TDRD9: variants seen among roughly 807,000 people sequenced by gnomAD.
The protein encoded by TDRD9 is tudor domain containing 9, also known as ATP-dependent RNA helicase TDRD9.
A neutral mutation model predicts 172.6 loss-of-function variants in TDRD9; 124 were observed. The ratio of observed to expected loss-of-function variants is 0.72; its 90% confidence interval spans 0.62 to 0.83. TDRD9 has a LOEUF of 0.83. Ranked by LOEUF, TDRD9 falls within the 40% of genes least tolerant of loss-of-function variation. The pLI, the probability that TDRD9 is intolerant of heterozygous loss-of-function variation, is 0.00. For synonymous variants in TDRD9, 619 were observed against 617.1 expected, an observed-to-expected ratio of 1.00 and a Z score of -0.05; for missense variants, 1,479 against 1,714.1, an observed-to-expected ratio of 0.86 and a Z score of 2.42.
chr14:104,023,184 CAAAAAAAAAAAAA>C (rs10661391), intron 24 of TDRD9, among the ~76,000 whole-genome samples: 1 of 64,434 alleles, frequency 1.6e-5, no homozygotes, highest in Non-Finnish European at 2.5e-5. Flanking sequence ...GACTCCGTCT[CAAAAAAAAAAAAA>C]AAAAAAAAAA....
rs35169220 is a variant in TDRD9, at chr14:104,026,834, C to T, written c.3177C>T (p.His1059=). The T allele has an allele frequency of 1.2e-3, 1,936 of 1,614,030 alleles. 26 individuals carry two copies. In the African/African-American group the frequency reaches 0.023, roughly 19 times the overall value. The change falls in exon 28 of 36, where the codon CAC becomes CAT. Residue 1059 remains histidine, a synonymous_variant. Coordinates refer to ENST00000409874, the MANE Select transcript of TDRD9 (RefSeq NM_153046.3). ...TCTCTGTGGTGCACAGCGTCCTGCA[C>T]GTGGATGTGTACCAGTACTCAGGGG... ...KVFSVVHSVL[H]VDVYQYSGVQ...
intron 1 of TDRD9, among the ~76,000 whole-genome samples, chr14:103,952,359 A>T (rs1034546505): frequency 2.1e-5 from 3 of 144,578 alleles, no homozygotes; most frequent in Non-Finnish European, 3.0e-5. Context: ...TTCCTGCCTC[A>T]GCTTCCCGAG....
At chr14:104,019,982 G>A (rs1427252320) in intron 23 of TDRD9, among the ~76,000 whole-genome samples, 2 of 152,212 alleles carry the variant, frequency 1.3e-5, no homozygotes, top group African/African-American at 2.4e-5. Context: ...GTGCAGTAGG[G>A]TCAGGTGGTT....
chr14:103,960,776 T>C (rs993700650), intron 2 of TDRD9, among the ~76,000 whole-genome samples: 14 of 152,224 alleles, frequency 9.2e-5, no homozygotes, highest in African/African-American at 3.4e-4. Flanking sequence ...ACTTCTGGCA[T>C]TTTTTCTTGT....
intron 1 of TDRD9, 142 bp from the exon 2 acceptor site, chr14:103,955,522 G>A: frequency 1.8e-6 from 1 of 548,778 alleles, no homozygotes; most frequent in South Asian, 2.8e-5. Flanking sequence ...GCATCTGCCT[G>A]GTAACTGAGT....
rs1001660218 is a variant in TDRD9 at position 103,997,824 on chromosome 14, A to G, written c.1379-800A>G. 1.3e-5 allele frequency among the ~76,000 whole-genome samples: 2 copies of G among 152,202 alleles called. No individual in the cohort carries two copies. Among genetic ancestry groups the G allele is most frequent in the Admixed American group, 6.5e-5 (1 of 15,290 alleles). On this transcript the variant is annotated intron_variant, in intron 12 of 35. Coordinates refer to ENST00000409874, the MANE Select transcript of TDRD9 (RefSeq NM_153046.3). This position sits in a 1 kb window ranked among gnomAD's most constrained non-coding sequence, Gnocchi z 5.1. ...ATGGCGGGTCAAGGAGGACCTCCCA[A>G]CGGGGCTGTTGTCAGTGACCTTGAC...
chr14:103,990,473 C>G (rs778158147), intron 8 of TDRD9, among the ~76,000 whole-genome samples: 6 of 152,264 alleles, frequency 3.9e-5, no homozygotes, highest in Non-Finnish European at 8.8e-5. Context: ...CCTTCCCAGC[C>G]AGCCCTCCTG....
intron 19 of TDRD9, 75 bp from the exon 20 acceptor site, chr14:104,008,338 T>TA: frequency 1.1e-6 from 1 of 874,602 alleles, no homozygotes; most frequent in Non-Finnish European, 1.9e-6. Context: ...TTGGATGAAA[T>TA]ATGTATTAAA....
At chr14:103,938,440 A>ATTTTTTTTTTTTTTT (rs71126087) in intron 1 of TDRD9, among the ~76,000 whole-genome samples, 2 of 44,540 alleles carry the variant, frequency 4.5e-5, no homozygotes, top group Admixed American at 4.9e-4. Context: ...ATATATATAT[A>ATTTTTTTTTTTTTTT]TTTTTTTTTT....
At chr14:104,049,006 G>C (rs1357940723) in intron 34 of TDRD9, among the ~76,000 whole-genome samples, 1 of 152,134 alleles carries the variant, frequency 6.6e-6, no homozygotes, top group African/African-American at 2.4e-5. Flanking sequence ...TTCTCACCTG[G>C]AGCTGGCAGT....
At chr14:103,950,005 TG>T (rs1438737764) in intron 1 of TDRD9, among the ~76,000 whole-genome samples, 1 of 61,876 alleles carries the variant, frequency 1.6e-5, no homozygotes, top group African/African-American at 5.9e-5. Context: ...AATCAGGCCC[TG>T]CCCTGCCCTG....
At chr14:104,020,871 A>G (rs2034933122) in intron 23 of TDRD9, among the ~76,000 whole-genome samples, 1 of 152,148 alleles carries the variant, frequency 6.6e-6, no homozygotes, top group South Asian at 2.1e-4. Context: ...TCTGCCTGGC[A>G]CATCCAGCAG....
intron 13 of TDRD9, among the ~76,000 whole-genome samples, chr14:103,999,643 A>AG (rs1566771643): frequency 7.7e-6 from 1 of 130,458 alleles, no homozygotes; most frequent in South Asian, 2.3e-4. Context: ...TGTTTTTTAG[A>AG]AAACCTTTTG....
chr14:103,993,577 C>T (rs1392623759), intron 9 of TDRD9, among the ~76,000 whole-genome samples: 1 of 152,176 alleles, frequency 6.6e-6, no homozygotes, highest in African/African-American at 2.4e-5. Flanking sequence ...TCTTTCTGAG[C>T]CTCTTCCTCT....
chr14:104,042,255 T>C, intron 34 of TDRD9, 68 bp downstream of exon 34: 1 of 1,064,112 alleles, frequency 9.4e-7, no homozygotes, highest in Non-Finnish European at 1.4e-6. Flanking sequence ...TGATCATGGC[T>C]GTTTTGAATT....
chr14:103,934,087 GCTCGCTGCAGCCTTGAA>G (rs992671053), intron 1 of TDRD9, among the ~76,000 whole-genome samples: 4 of 151,822 alleles, frequency 2.6e-5, no homozygotes, highest in African/African-American at 4.8e-5. Flanking sequence ...GCTGTGCATA[GCTCGCTGCAGCCTTGAA>G]CTCCTGTGCT....
At chr14:104,000,141 A>G (rs542525938) in intron 13 of TDRD9, among the ~76,000 whole-genome samples, 1 of 152,136 alleles carries the variant, frequency 6.6e-6, no homozygotes, top group South Asian at 2.1e-4. Flanking sequence ...GGCCTGGACA[A>G]CATGGCAAAA....
chr14:103,965,761 A>G (rs1490391581), intron 4 of TDRD9, among the ~76,000 whole-genome samples: 1 of 152,034 alleles, frequency 6.6e-6, no homozygotes, highest in Non-Finnish European at 1.5e-5. Context: ...CCTGGCCAAC[A>G]TGGTGAAACT....
At chr14:103,973,897 T>C (rs1410942213) in intron 6 of TDRD9, among the ~76,000 whole-genome samples, 1 of 152,198 alleles carries the variant, frequency 6.6e-6, no homozygotes, top group African/African-American at 2.4e-5. Context: ...ACAATGCTTA[T>C]ATGAAATGTT....
Sources: gnomAD v4.1 joint callset for allele counts (sites outside exome capture counted in the v4.1 genomes callset) on GRCh38, gnomAD v4.1.1 for gene constraint, Gnocchi (gnomAD v3.1) non-coding constraint, MANE v1.5 for transcripts, NCBI Gene and HGNC (gene_info 2026-07-23, HGNC 2026-07-21) for gene names.